ITGA3: variants seen among roughly 807,000 people sequenced by gnomAD.
ITGA3 encodes integrin subunit alpha 3, also known as integrin alpha-3.
In ITGA3, 70 loss-of-function variants were observed where a neutral mutation model predicts 131.1. The ratio of observed to expected loss-of-function variants is 0.53; its 90% CI spans 0.44 to 0.65. ITGA3 has a LOEUF of 0.65. ITGA3 is among the 30% of genes least tolerant of loss of function. ITGA3 has a pLI of 0.00. For synonymous variants in ITGA3, 537 were observed against 571.6 expected (o/e 0.94, Z 0.86); for missense variants, 1,098 against 1,388.6 (o/e 0.79, Z 3.33).
At position 50,081,117 on chromosome 17, in the gene ITGA3, G is replaced by T. The variant is rs55770451; in HGVS notation, c.2821-193G>T. 21,163 of 560,732 alleles carry T rather than the reference G, an allele frequency of 0.038. 529 individuals carry two copies. The highest frequency in any genetic ancestry group is 0.095 in the Admixed American group (3,076 of 32,364). The allele number at this position is 560,732 out of a possible 1,614,324, so 34.7% of individuals were successfully genotyped here. A position where few individuals can be genotyped will look rare whatever the true frequency, so the allele number is the denominator to read the frequency against. Reference sequence around the variant, plus strand: ...CCCAGCATCCAGCACAGGACCTGACGCAGAAATGAATGAACAAATAAATGA... The same window carrying T: ...CCCAGCATCCAGCACAGGACCTGACTCAGAAATGAATGAACAAATAAATGA... On this transcript the variant is annotated intron_variant, in intron 22 of 25. Transcript: ENST00000320031.
At chr17:50,089,002 G>A in intron 25 of ITGA3, 108 bp from the exon 26 acceptor site, 2 of 813,924 alleles carry the variant, frequency 2.5e-6, no homozygotes, top group Non-Finnish European at 4.1e-6. Flanking sequence ...TCGGTCAAGA[G>A]TTCTGGCTTT....
Position 50,084,595 on chromosome 17 carries a change from C to T in ITGA3, c.2920-3149C>T, listed in dbSNP as rs114796055. ...GATTAGGCTGATCTTTACCAATTGA[C>T]GTGAAAAGATGATGATATTAAGTGA... is the stretch of plus-strand genomic sequence containing the variant. On this transcript the variant is annotated intron_variant, in intron 23 of 25. Coordinates refer to ENST00000320031, the MANE Select transcript of ITGA3 (RefSeq NM_002204.4). 9.6e-3 allele frequency among the ~76,000 whole-genome samples: 1,465 copies of T among 151,924 alleles called. 20 individuals are homozygous for T. Among genetic ancestry groups the T allele is most frequent in the African/African-American group, 0.034 (1,393 of 41,416 alleles).
At chr17:50,088,774 G>C (rs1909580868) in intron 25 of ITGA3, among the ~76,000 whole-genome samples, 1 of 152,130 alleles carries the variant, frequency 6.6e-6, no homozygotes, top group African/African-American at 2.4e-5. Flanking sequence ...TTCCTCCTGA[G>C]CAACCCTTCC....
intron 3 of ITGA3, among the ~76,000 whole-genome samples, chr17:50,066,970 A>G (rs1908374951): frequency 6.6e-6 from 1 of 152,170 alleles, no homozygotes; most frequent in South Asian, 2.1e-4. Context: ...TCACCTTTGA[A>G]CACTGTTTTA....
At position 50,068,159 on chromosome 17, in the gene ITGA3, C is replaced by T; in HGVS notation, c.518C>T (p.Ser173Phe). The T allele has an allele frequency of 6.2e-7, 1 of 1,614,198 alleles. No homozygotes were observed. Among genetic ancestry groups the T allele is most frequent in the East Asian group, 2.2e-5 (1 of 44,892 alleles). Residue 173 changes from serine to phenylalanine, a missense_variant, in exon 4 of 26, where the codon TCC becomes TTC. Around this residue, in one of 3 missense-constraint regions of ITGA3, gnomAD observed 356 missense variants for 529.2 expected, o/e 0.67. Coordinates refer to ENST00000320031, the MANE Select transcript of ITGA3 (RefSeq NM_002204.4). ...CGAGGCAATGACCTAGAGCTGGACT[C>T]CAGTGATGACTGGCAGACCTACCAC... The part of the protein sequence containing the change: ...YVRGNDLELD[S>F]SDDWQTYHNE...
At chr17:50,084,230 CAA>C (rs61103198) in intron 23 of ITGA3, among the ~76,000 whole-genome samples, 5 of 26,984 alleles carry the variant, frequency 1.9e-4, no homozygotes, top group Non-Finnish European at 3.9e-4. Context: ...GACTCTGTCT[CAA>C]AAAAAAAAAA....
At chr17:50,086,318 T>G (rs1909427703) in intron 23 of ITGA3, 1 of 136,770 alleles carries the variant, frequency 7.3e-6, no homozygotes, top group East Asian at 2.1e-4. Flanking sequence ...CTGGGAACCT[T>G]TAGTTTTCTT....
At position 50,056,341 on chromosome 17, in the gene ITGA3, C is replaced by T; in HGVS notation, c.-99C>T. ...ACGGAGCGCAGCGGCCGGCGGGTTC[C>T]AGTGTCCTCCGGCGGCGCGGGGAGC... is the stretch of plus-strand genomic sequence containing the variant. On this transcript the variant is annotated 5_prime_UTR_variant, in exon 1 of 26. Transcript: ENST00000320031. The surrounding 1 kb of genome is among the most constrained non-coding windows in gnomAD (Gnocchi z 5.6). 1 of 838,982 alleles carries T rather than the reference C, an allele frequency of 1.2e-6. No homozygotes were observed. Among genetic ancestry groups the T allele is most frequent in the South Asian group, 2.1e-5 (1 of 47,830 alleles). The allele number at this position is 838,982 out of a possible 1,614,324, so 52.0% of individuals were successfully genotyped here.
Position 50,076,361 on chromosome 17 carries a change from C to T in ITGA3, c.1710C>T (p.Ile570=). ...NLRDKLRPII[I]SMNYSLPLRM... ...GTGACAAACTCCGCCCCATCATCATCTCCATGAACTACTCTTTACCTTTGC... is the reference window on the plus strand; with the variant it reads ...GTGACAAACTCCGCCCCATCATCATTTCCATGAACTACTCTTTACCTTTGC... The change falls in exon 13 of 26, where the codon ATC becomes ATT. Residue 570 remains isoleucine, a synonymous_variant. Transcript: ENST00000320031. 1 of 1,613,822 alleles carries T rather than the reference C, an allele frequency of 6.2e-7. No homozygotes were observed. Among genetic ancestry groups the T allele is most frequent in the South Asian group, 1.1e-5 (1 of 91,084 alleles).
Position 50,064,689 on chromosome 17 carries a change from A to C in ITGA3, c.414+82A>C. 1 of 1,205,948 alleles carries C rather than the reference A, an allele frequency of 8.3e-7. No homozygotes were observed. Among genetic ancestry groups the C allele is most frequent in the African/African-American group, 1.5e-5 (1 of 67,074 alleles). 74.7% of individuals were successfully genotyped at this position (1,205,948 alleles called of 1,614,324 possible). ...CAGAGCTGGGAGGAAAGAAGAGGGC[A>C]GCAGGGGGGTCCACGGCGCGTGTGT... On this transcript the variant is annotated intron_variant, in intron 3 of 25. Coordinates refer to ENST00000320031, the MANE Select transcript of ITGA3 (RefSeq NM_002204.4). The surrounding 1 kb of genome is among the most constrained non-coding windows in gnomAD (Gnocchi z 4.4).
intron 1 of ITGA3, among the ~76,000 whole-genome samples, chr17:50,059,329 G>A (rs1907969324): frequency 6.6e-6 from 1 of 152,210 alleles, no homozygotes; most frequent in South Asian, 2.1e-4. Flanking sequence ...AGGCATTCTG[G>A]TCTGGCCTGA....
rs143201722 is a variant in ITGA3, at chr17:50,089,406, A to G, written c.*328A>G. ...CAGGCACATACACCTCGTCAAGAGC[A>G]TGCACATGCTGTCTGGCCCTGGGGA... is the stretch of plus-strand genomic sequence containing the variant. On this transcript the variant is annotated 3_prime_UTR_variant, in exon 26 of 26. Coordinates refer to ENST00000320031, the MANE Select transcript of ITGA3 (RefSeq NM_002204.4). The G allele has an allele frequency of 1.5e-6, 1 of 669,354 alleles. No homozygotes were observed. The highest frequency in any genetic ancestry group is 2.6e-6 in the Non-Finnish European group (1 of 390,364). 41.5% of individuals were successfully genotyped at this position (669,354 alleles called of 1,614,324 possible).
At chr17:50,082,368 A>G (rs185758173) in intron 23 of ITGA3, among the ~76,000 whole-genome samples, 13 of 152,092 alleles carry the variant, frequency 8.5e-5, no homozygotes, top group African/African-American at 2.4e-4. Context: ...TAGTACAGAC[A>G]GGGTTTCACC....
intron 1 of ITGA3, chr17:50,063,646 C>T (rs1478128063): frequency 1.1e-5 from 2 of 180,406 alleles, no homozygotes; most frequent in South Asian, 1.3e-4. Flanking sequence ...CCTTTGTGTG[C>T]CTCCCCAGAG....
intron 16 of ITGA3, 47 bp from the exon 17 acceptor site, chr17:50,077,999 C>T (rs201715430): frequency 1.4e-4 from 209 of 1,511,518 alleles, no homozygotes; most frequent in Middle Eastern, 1.9e-4. Flanking sequence ...ACATCACCCC[C>T]GCCAGGCCCC....
chr17:50,072,070 G>A lies in ITGA3; in HGVS notation c.1044G>A (p.Gln348=). 3.1e-6 allele frequency: 5 copies of A among 1,614,104 alleles called. No individual in the cohort carries two copies. The highest frequency in any genetic ancestry group is 4.2e-6 in the Non-Finnish European group (5 of 1,180,006). ...VGGAIYVFMN[Q]AGTSFPAHPS... ...GTGCCATCTATGTCTTCATGAACCA[G>A]GCGGGAACCTCCTTCCCTGCTCACC... Residue 348 remains glutamine, a synonymous_variant, in exon 7 of 26, where the codon CAG becomes CAA. Transcript: ENST00000320031.
chr17:50,077,381 CG>C lies in ITGA3; in HGVS notation c.2077del (p.Ala693ProfsTer33). On this transcript the variant is annotated frameshift_variant, in exon 16 of 26. Transcript: ENST00000320031. LOFTEE classifies it high-confidence loss of function. ...CCTTATTCGCCTTCTTTCCTCAGCC[CG>C]GGGCCTGCCAAGCTAATGAGACCAT... ...ALLLSSVRPPGACQANETIFC... is the reference protein window; with the variant it reads ...ALLLSSVRPPXACQANETIFC... 1 of 1,613,876 alleles carries C rather than the reference CG, an allele frequency of 6.2e-7. No homozygotes were observed. The highest frequency in any genetic ancestry group is 8.5e-7 in the Non-Finnish European group (1 of 1,179,786).
chr17:50,069,215 G>A (rs1908502242), intron 4 of ITGA3, among the ~76,000 whole-genome samples: 3 of 152,104 alleles, frequency 2.0e-5, no homozygotes, highest in Admixed American at 2.0e-4. Flanking sequence ...CAAAAACTAA[G>A]ACTTAGAGAA....
Position 50,078,236 on chromosome 17 carries a change from T to C in ITGA3, c.2249T>C (p.Met750Thr), listed in dbSNP as rs1909013003. 1 of 1,614,068 alleles carries C rather than the reference T, an allele frequency of 6.2e-7. No individual in the cohort carries two copies. Among genetic ancestry groups the C allele is most frequent in the Admixed American group, 1.7e-5 (1 of 60,006 alleles). ...TSSHQDNLWP[M>T]ILTLLVDYTL... Reference sequence around the variant, plus strand: ...AGTCACCAGGACAACCTGTGGCCCATGATCCTCACTCTGCTGGTGGACTAT... The same window carrying C: ...AGTCACCAGGACAACCTGTGGCCCACGATCCTCACTCTGCTGGTGGACTAT... Residue 750 changes from methionine (M) to threonine (T), a missense_variant, in exon 18 of 26, where the codon ATG becomes ACG. This residue lies in a region of ITGA3 where 699 missense variants were observed against 829.2 expected (regional missense o/e 0.84). Coordinates refer to ENST00000320031, the MANE Select transcript of ITGA3 (RefSeq NM_002204.4).
Sources: gnomAD v4.1 joint callset for allele counts (sites outside exome capture counted in the v4.1 genomes callset) on GRCh38, gnomAD v4.1.1 for gene constraint, gnomAD v4.1.1 regional missense constraint, Gnocchi (gnomAD v3.1) non-coding constraint, MANE v1.5 for transcripts, NCBI Gene and HGNC (gene_info 2026-07-23, HGNC 2026-07-21) for gene names.